The following PAK3 variants were observed in gnomAD, a reference collection of about 807,000 sequenced individuals.
PAK3 encodes the protein p21 (RAC1) activated kinase 3, also known as serine/threonine-protein kinase PAK 3.
PAK3 carries 4 observed loss-of-function variants against 41.0 expected under a neutral mutation model. The observed-to-expected ratio is 0.10, with a 90% confidence interval of 0.05 to 0.22. PAK3 has a LOEUF of 0.22. Among genes scored for constraint, PAK3 ranks in the 10% least tolerant of loss-of-function variants. The pLI is 1.00. For synonymous variants in PAK3, 146 were observed against 139.6 expected (o/e 1.05, Z -0.32); for missense variants, 205 against 409.9 (o/e 0.50, Z 4.32).
rs150270506 is a variant in PAK3, at chrX:111,217,373, A to G, written c.1545+815A>G. On this transcript the variant is annotated intron_variant, in intron 17 of 17. Coordinates refer to ENST00000372007, the MANE Select transcript of PAK3 (RefSeq NM_002578.5). ...TGGGGAGTGTTTCTCAGGGACATGTATGAAGACATTTAACATCTAAGAACA... is the reference window on the plus strand; with the variant it reads ...TGGGGAGTGTTTCTCAGGGACATGTGTGAAGACATTTAACATCTAAGAACA... 1.5e-3 allele frequency: 578 copies of G among 391,917 alleles called. 7 individuals are homozygous for G. The highest frequency in any genetic ancestry group is 0.013 in the African/African-American group (500 of 38,979). 32.3% of individuals were successfully genotyped at this position (391,917 alleles called of 1,213,427 possible). A position where few individuals can be genotyped will look rare whatever the true frequency, so the allele number is the denominator to read the frequency against.
At chrX:111,116,208 G>A (rs1380616970) in intron 4 of PAK3, among the ~76,000 whole-genome samples, 1 of 110,901 alleles carries the variant, frequency 9.0e-6, no homozygotes, top group Admixed American at 9.6e-5. Flanking sequence ...ACTAGGAAAT[G>A]TTTTCTTACT....
chrX:110,972,309 G>T (rs1394637892), intron 1 of PAK3, among the ~76,000 whole-genome samples: 1 of 111,462 alleles, frequency 9.0e-6, no homozygotes, highest in African/African-American at 3.3e-5. Context: ...CCTAAATGGG[G>T]ACACCTCCCA....
intron 6 of PAK3, among the ~76,000 whole-genome samples, chrX:111,143,605 C>A (rs1307089652): frequency 9.0e-6 from 1 of 111,156 alleles, no homozygotes; most frequent in African/African-American, 3.3e-5. Context: ...CACTTAGATA[C>A]TCCAACCTTG....
Position 111,160,549 on chromosome X carries a change from T to C in PAK3, c.469-2366T>C, listed in dbSNP as rs760727952. Reference sequence around the variant, plus strand: ...GTTACATATGTATACATGTGCCATGTTGGTGTGCTGCACCCATTAACTCAT... The same window carrying C: ...GTTACATATGTATACATGTGCCATGCTGGTGTGCTGCACCCATTAACTCAT... On this transcript the variant is annotated intron_variant, in intron 8 of 17. Coordinates refer to ENST00000372007, the MANE Select transcript of PAK3 (RefSeq NM_002578.5). 6.4e-3 allele frequency among the ~76,000 whole-genome samples: 696 copies of C among 109,367 alleles called. 2 individuals are homozygous for C. The highest frequency in any genetic ancestry group is 0.011 in the East Asian group (37 of 3,495). 95.0% of individuals were successfully genotyped at this position (109,367 alleles called of 115,157 possible).
chrX:111,122,780 G>A (rs1458035330), intron 4 of PAK3, among the ~76,000 whole-genome samples: 3 of 111,847 alleles, frequency 2.7e-5, no homozygotes, highest in African/African-American at 6.5e-5. Context: ...AACACTGTTA[G>A]TGGGGAGGAG....
chrX:111,194,108 C>G (rs982568758), intron 13 of PAK3, among the ~76,000 whole-genome samples, 193 bp from the exon 14 acceptor site: 15 of 111,457 alleles, frequency 1.3e-4, no homozygotes, highest in African/African-American at 4.9e-4. Flanking sequence ...GCTCTCTTTG[C>G]CTGAATTATA....
At chrX:111,046,279 G>GTTGTTTGT (rs754935857) in intron 1 of PAK3, among the ~76,000 whole-genome samples, 1 of 111,517 alleles carries the variant, frequency 9.0e-6, no homozygotes, top group Non-Finnish European at 1.9e-5. Flanking sequence ...TGTTGTTGTT[G>GTTGTTTGT]TTGTTTGTTT....
At chrX:111,093,077 G>A (rs2092942096), upstream of PAK3, among the ~76,000 whole-genome samples, 1 of 111,616 alleles carries the variant, frequency 9.0e-6, no homozygotes, top group Non-Finnish European at 1.9e-5. Flanking sequence ...CCATCCCAGC[G>A]CTTCTCACTT....
chrX:111,062,350 G>A (rs2148810812), intron 1 of PAK3, among the ~76,000 whole-genome samples: 1 of 112,004 alleles, frequency 8.9e-6, no homozygotes, highest in Admixed American at 9.5e-5. Context: ...AGATAAGTTG[G>A]TCCTAATTTA....
At chrX:111,001,155 C>T (rs1393930359) in intron 1 of PAK3, among the ~76,000 whole-genome samples, 3 of 111,879 alleles carry the variant, frequency 2.7e-5, no homozygotes, top group Non-Finnish European at 5.6e-5. Flanking sequence ...AATCAGTTTG[C>T]CGCATTCTGT....
At chrX:111,194,733 C>T (rs764137463) in intron 14 of PAK3, among the ~76,000 whole-genome samples, 11 of 112,233 alleles carry the variant, frequency 9.8e-5, no homozygotes, top group African/African-American at 3.6e-4. Context: ...CATAGCACTT[C>T]TTTCTAATTT....
chrX:111,128,510 A>C (rs1286232393), intron 5 of PAK3, among the ~76,000 whole-genome samples: 1 of 112,005 alleles, frequency 8.9e-6, no homozygotes, highest in East Asian at 2.8e-4. Context: ...AGGCAATTTA[A>C]GCTCAAAGCA....
chrX:110,961,382 C>G (rs2090974949), intron 1 of PAK3, among the ~76,000 whole-genome samples: 1 of 111,742 alleles, frequency 8.9e-6, no homozygotes, highest in Non-Finnish European at 1.9e-5. Context: ...CCACCCTCCT[C>G]TAGGCTTCAA....
intron 1 of PAK3, among the ~76,000 whole-genome samples, chrX:111,053,563 T>C (rs759315851): frequency 1.8e-5 from 2 of 111,658 alleles, no homozygotes; most frequent in South Asian, 7.6e-4. Context: ...AGGCACTTTC[T>C]ACATACTCCA....
chrX:110,980,847 G>T (rs1030725277), intron 1 of PAK3, among the ~76,000 whole-genome samples: 2 of 112,282 alleles, frequency 1.8e-5, no homozygotes, highest in African/African-American at 3.2e-5. Context: ...TGGGTGTGGG[G>T]CATGACCCTC....
intron 16 of PAK3, among the ~76,000 whole-genome samples, chrX:111,197,639 A>G (rs2094630892): frequency 8.9e-6 from 1 of 111,909 alleles, no homozygotes; most frequent in Non-Finnish European, 1.9e-5. Context: ...CATTCCCTCC[A>G]GCAGTCTATA....
At chrX:111,105,793 A>C (rs746513375) in intron 4 of PAK3, among the ~76,000 whole-genome samples, 1 of 111,422 alleles carries the variant, frequency 9.0e-6, no homozygotes, top group East Asian at 2.8e-4. Context: ...AGGCACATAC[A>C]CTGAAATACA....
At chrX:110,982,089 AGGG>A (rs2091457368) in intron 1 of PAK3, among the ~76,000 whole-genome samples, 1 of 111,583 alleles carries the variant, frequency 9.0e-6, no homozygotes, top group Non-Finnish European at 1.9e-5. Flanking sequence ...CATGAGTAAA[AGGG>A]AACCATCTAG....
chrX:111,059,334 A>AT (rs1337224257), intron 1 of PAK3, among the ~76,000 whole-genome samples: 21 of 109,855 alleles, frequency 1.9e-4, no homozygotes, highest in African/African-American at 6.6e-4. Flanking sequence ...AATTATTATT[A>AT]TTTTTTTGTA....
Sources: allele counts gnomAD v4.1 joint callset (sites outside exome capture counted in the v4.1 genomes callset), GRCh38; gene constraint gnomAD v4.1.1; transcripts MANE v1.5; gene names NCBI Gene and HGNC (gene_info 2026-07-23, HGNC 2026-07-21).